NUP153: variants seen among roughly 807,000 people sequenced by gnomAD.
The protein encoded by NUP153 is nucleoporin 153.
NUP153 carries 27 observed loss-of-function variants against 134.6 expected under a neutral mutation model. That is an observed-to-expected ratio of 0.20 (90% CI 0.15 to 0.28). The LOEUF (loss-of-function observed/expected upper bound fraction) is 0.28. Among genes scored for constraint, NUP153 ranks in the 10% least tolerant of loss-of-function variants. The pLI, the probability that NUP153 is intolerant of heterozygous loss-of-function variation, is 1.00. For missense variants in NUP153, 1,821 were observed against 1,731.3 expected (o/e 1.05, Z -0.92); for synonymous variants, 640 against 623.5 (o/e 1.03, Z -0.40).
chr6:17,664,318 G>A (rs1025517754), intron 9 of NUP153, among the ~76,000 whole-genome samples: 5 of 152,104 alleles, frequency 3.3e-5, no homozygotes, highest in African/African-American at 1.2e-4. Flanking sequence ...TTTATAAAGT[G>A]TTTTCCAAAC....
In NUP153 at chr6:17,661,905, TTATA is replaced by T. The variant is rs918092301; in HGVS notation, c.1268+109_1268+112del. ...CGTGATTCTAAAATCTTAGATTTCT[TTATA>T]TAAAGTTTCTGTTCTTTGATTTTAA... On this transcript the variant is annotated intron_variant, in intron 10 of 21. Coordinates refer to ENST00000262077, the MANE Select transcript of NUP153 (RefSeq NM_005124.4). The T allele has an allele frequency of 1.7e-5, 22 of 1,279,120 alleles. No homozygotes were observed. In the Admixed American group the frequency reaches 3.2e-4, roughly 18 times the overall value. The allele number at this position is 1,279,120 out of a possible 1,614,324, so 79.2% of individuals were successfully genotyped here.
chr6:17,674,084 C>T (rs1199186117), intron 5 of NUP153, among the ~76,000 whole-genome samples: 1 of 152,242 alleles, frequency 6.6e-6, no homozygotes, highest in South Asian at 2.1e-4. Context: ...CAAAAGGTTA[C>T]ATATGACTAA....
Position 17,629,316 on chromosome 6 carries a change from A to C in NUP153, c.2883T>G (p.Phe961Leu), listed in dbSNP as rs370934028. The C allele has an allele frequency of 1.1e-5, 17 of 1,607,010 alleles. No homozygotes were observed. The highest frequency in any genetic ancestry group is 1.4e-5 in the Non-Finnish European group (17 of 1,178,336). ...CGGGCTTAGATTCAGATGAAACTCC[A>C]AATTTAAAATCTCCTATTGGTTTAG... is the stretch of plus-strand genomic sequence containing the variant. Reference protein sequence around the residue: ...KFSKPIGDFKFGVSSESKPEE... With the variant: ...KFSKPIGDFKLGVSSESKPEE... The change falls in exon 18 of 22, where the codon TTT becomes TTG. Residue 961 changes from phenylalanine (F) to leucine (L), a missense_variant. Coordinates refer to ENST00000262077, the MANE Select transcript of NUP153 (RefSeq NM_005124.4).
chr6:17,637,315 C>T lies in NUP153; in HGVS notation c.2302G>A (p.Glu768Lys), dbSNP rs767860134. The part of the protein sequence containing the change: ...LTLTVVSESA[E>K]TMTASSSSCT... ...CTGGAAGATGAAGCAGTCATAGTCT[C>T]AGCACTTTCCGAAACCACTGTCAAT... Residue 768 changes from glutamate to lysine, a missense_variant, in exon 16 of 22, where the codon GAG becomes AAG. Coordinates refer to ENST00000262077, the MANE Select transcript of NUP153 (RefSeq NM_005124.4). 1.2e-5 allele frequency: 19 copies of T among 1,614,090 alleles called. No homozygotes were observed. In the South Asian group the frequency reaches 1.9e-4, roughly 16 times the overall value.
intron 17 of NUP153, among the ~76,000 whole-genome samples, chr6:17,630,244 G>C (rs1037272297): frequency 6.6e-6 from 1 of 152,088 alleles, no homozygotes; most frequent in Admixed American, 6.6e-5. Flanking sequence ...AGAAGAGATT[G>C]AACCTTGTCA....
chr6:17,640,025 T>G lies in NUP153; in HGVS notation c.1760A>C (p.Lys587Thr), dbSNP rs774597784. The G allele has an allele frequency of 4.3e-6, 7 of 1,611,788 alleles. 1 individual carries two copies. The South Asian group carries it at 7.7e-5, about 18-fold the overall frequency. The change falls in exon 15 of 22, where the codon AAG (lysine) becomes ACG (threonine). Residue 587 changes from lysine to threonine, a missense_variant. Transcript: ENST00000262077. ...ACCCTCACAATCTTCAGGTGGTGTC[T>G]TCTTACAATTTGTACTGTTCACTGT... ...VTTVNSTNCK[K>T]TPPEDCEGPF...
intron 20 of NUP153, among the ~76,000 whole-genome samples, chr6:17,620,422 T>G (rs1764593500): frequency 1.3e-5 from 2 of 152,196 alleles, no homozygotes; most frequent in African/African-American, 2.4e-5. Context: ...AAATGGTGCT[T>G]GGAAAACTGG....
At chr6:17,684,677 T>G (rs758339665) in intron 2 of NUP153, among the ~76,000 whole-genome samples, 3 of 152,230 alleles carry the variant, frequency 2.0e-5, no homozygotes, top group African/African-American at 4.8e-5. Context: ...CTGTCTCAGC[T>G]GTCCACATGC....
chr6:17,659,280 A>G (rs950952537), intron 11 of NUP153, among the ~76,000 whole-genome samples: 2 of 152,244 alleles, frequency 1.3e-5, no homozygotes, highest in South Asian at 2.1e-4. Context: ...TTTTTGTGCT[A>G]TAAGAATAAG....
At chr6:17,702,571 G>C (rs569946061) in intron 1 of NUP153, among the ~76,000 whole-genome samples, 5 of 152,120 alleles carry the variant, frequency 3.3e-5, no homozygotes, top group African/African-American at 1.2e-4. Context: ...AGCTACTCGG[G>C]AGGCTGAGGC....
intron 2 of NUP153, among the ~76,000 whole-genome samples, chr6:17,686,891 C>A: frequency 4.3e-4 from 1 of 2,316 alleles, no homozygotes; most frequent in Admixed American, 4.3e-3. Flanking sequence ...CGGGGGCGGG[C>A]GGCGGGGGAG....
At chr6:17,658,518 G>A (rs993539108) in intron 11 of NUP153, among the ~76,000 whole-genome samples, 17 of 152,214 alleles carry the variant, frequency 1.1e-4, no homozygotes, top group Admixed American at 8.5e-4. Context: ...GCCACTGGAA[G>A]TTGACAATAA....
intron 16 of NUP153, among the ~76,000 whole-genome samples, chr6:17,636,938 C>A (rs958522509): frequency 6.6e-6 from 1 of 152,082 alleles, no homozygotes; most frequent in East Asian, 1.9e-4. Flanking sequence ...AAGAGGAGGT[C>A]GTCATATATA....
chr6:17,637,697 T>C lies in NUP153; in HGVS notation c.1920A>G (p.Pro640=). 6.2e-7 allele frequency: 1 copy of C among 1,610,730 alleles called. No individual in the cohort carries two copies. The highest frequency in any genetic ancestry group is 8.5e-7 in the Non-Finnish European group (1 of 1,180,016). The change falls in exon 16 of 22, where the codon CCA becomes CCG. Residue 640 remains proline, a synonymous_variant. Coordinates refer to ENST00000262077, the MANE Select transcript of NUP153 (RefSeq NM_005124.4). ...TATSPVVYTR[P]AISSFSSSGI... Reference sequence around the variant, plus strand: ...CACTAGAAGAAAAGCTACTTATTGCTGGTCTTGTATAAACTACTGGGCTTG... The same window carrying C: ...CACTAGAAGAAAAGCTACTTATTGCCGGTCTTGTATAAACTACTGGGCTTG...
At chr6:17,695,136 A>T (rs894310358) in intron 1 of NUP153, among the ~76,000 whole-genome samples, 3 of 152,222 alleles carry the variant, frequency 2.0e-5, no homozygotes, top group Non-Finnish European at 4.4e-5. Flanking sequence ...AATAGCTTTA[A>T]ATCTCACAAA....
chr6:17,674,964 T>C lies in NUP153; in HGVS notation c.793A>G (p.Thr265Ala). Residue 265 changes from threonine to alanine, a missense_variant, in exon 5 of 22, where the codon ACA becomes GCA. By Grantham distance (58) the Thr-to-Ala change is moderately conservative. Transcript: ENST00000262077. Reference protein sequence around the residue: ...GDSPFYPGKTTYGGAAAAVRQ... With the variant: ...GDSPFYPGKTAYGGAAAAVRQ... ...ACAGCAGCTGCTGCCCCACCGTATG[T>C]TGTTTTTCCAGGATAAAAAGGAGAA... 1 of 1,613,848 alleles carries C rather than the reference T, an allele frequency of 6.2e-7. No individual in the cohort carries two copies. The highest frequency in any genetic ancestry group is 8.5e-7 in the Non-Finnish European group (1 of 1,179,840).
At chr6:17,617,411 T>C (rs1001139896) in intron 20 of NUP153, among the ~76,000 whole-genome samples, 3 of 136,602 alleles carry the variant, frequency 2.2e-5, no homozygotes, top group Non-Finnish European at 4.6e-5. Flanking sequence ...ACACCAAACA[T>C]ACCCAAAATG....
At position 17,665,272 on chromosome 6, in the gene NUP153, C is replaced by G; in HGVS notation, c.1182G>C (p.Arg394Ser). 1 of 1,609,684 alleles carries G rather than the reference C, an allele frequency of 6.2e-7. No homozygotes were observed. Among genetic ancestry groups the G allele is most frequent in the Non-Finnish European group, 8.5e-7 (1 of 1,176,100 alleles). ...KPSLTPSGEF[R>S]KTNQRIDNKC... ...TGTTATCTATTCTTTGATTAGTCTT[C>G]CTGAATTCACCAGAAGGAGTCAGAG... Residue 394 changes from arginine (R) to serine (S), a missense_variant, in exon 9 of 22, where the codon AGG (arginine) becomes AGC (serine). Physicochemically the swap from Arg to Ser is moderately radical, Grantham distance 110 (BLOSUM62 -1). Transcript: ENST00000262077.
intron 2 of NUP153, among the ~76,000 whole-genome samples, chr6:17,677,489 T>C (rs1768290792): frequency 6.6e-6 from 1 of 152,156 alleles, no homozygotes; most frequent in Non-Finnish European, 1.5e-5. Flanking sequence ...ACATTTAGCA[T>C]TACAAGACTT....
Sources: allele counts gnomAD v4.1 joint callset (sites outside exome capture counted in the v4.1 genomes callset), GRCh38; gene constraint gnomAD v4.1.1; transcripts MANE v1.5; gene names NCBI Gene and HGNC (gene_info 2026-07-23, HGNC 2026-07-21).